HOOK3: variants seen among roughly 807,000 people sequenced by gnomAD.
The protein encoded by HOOK3 is hook microtubule tethering protein 3.
HOOK3 carries 24 observed loss-of-function variants against 116.3 expected under a neutral mutation model. The ratio of observed to expected loss-of-function variants is 0.21; its 90% CI spans 0.15 to 0.29. The LOEUF (loss-of-function observed/expected upper bound fraction) is 0.29. HOOK3 is among the 10% of genes least tolerant of loss of function. The probability of loss-of-function intolerance (pLI) is 1.00; values close to 1 mark genes in which losing one functional copy is unlikely to be tolerated. For missense variants in HOOK3, 632 were observed against 830.2 expected, an observed-to-expected ratio of 0.76 and a Z score of 2.93; for synonymous variants, 275 against 283.0, an observed-to-expected ratio of 0.97 and a Z score of 0.28.
chr8:42,916,487 T>C (rs1807535868), intron 2 of HOOK3, among the ~76,000 whole-genome samples: 1 of 152,180 alleles, frequency 6.6e-6, no homozygotes, highest in Non-Finnish European at 1.5e-5. Flanking sequence ...GAATTACTAT[T>C]GAGAAAAGAA....
chr8:43,011,144 C>T (rs187396304), intron 19 of HOOK3, among the ~76,000 whole-genome samples: 2,335 of 152,118 alleles, frequency 0.015, 30 homozygotes, highest in Non-Finnish European at 0.022. Context: ...AGGCGCCTGC[C>T]ACCACACTCG....
chr8:42,926,436 G>A (rs1345524079), intron 3 of HOOK3, among the ~76,000 whole-genome samples: 3 of 152,038 alleles, frequency 2.0e-5, no homozygotes, highest in East Asian at 1.9e-4. Flanking sequence ...ACAGGCATCC[G>A]CCACCACACC....
chr8:42,940,922 TTTTA>T (rs58441707), intron 4 of HOOK3, among the ~76,000 whole-genome samples: 6 of 151,788 alleles, frequency 4.0e-5, no homozygotes, highest in Non-Finnish European at 4.4e-5. Flanking sequence ...ATTTTGTTTA[TTTTA>T]TTTATTTATT....
intron 8 of HOOK3, among the ~76,000 whole-genome samples, chr8:42,964,091 C>T (rs1808584922): frequency 6.6e-6 from 1 of 152,122 alleles, no homozygotes. Flanking sequence ...CCTGTAGTCC[C>T]AGCTACTCGG....
chr8:42,947,839 T>C (rs921849428), intron 5 of HOOK3, among the ~76,000 whole-genome samples: 2 of 145,056 alleles, frequency 1.4e-5, no homozygotes, highest in Admixed American at 6.9e-5. Flanking sequence ...GAGGAGTGAA[T>C]GAAATTGTGT....
intron 2 of HOOK3, among the ~76,000 whole-genome samples, chr8:42,916,910 C>T (rs1041453917): frequency 2.0e-5 from 3 of 152,020 alleles, no homozygotes; most frequent in South Asian, 2.1e-4. Context: ...CTCTTTAAAT[C>T]GTATTTTGTG....
At chr8:42,983,712 G>C (rs531177674) in intron 14 of HOOK3, among the ~76,000 whole-genome samples, 1 of 152,242 alleles carries the variant, frequency 6.6e-6, no homozygotes, top group East Asian at 1.9e-4. Context: ...TTGAGCTGAA[G>C]TGATCTGCCT....
chr8:42,935,666 G>A lies in HOOK3; in HGVS notation c.267+5494G>A, dbSNP rs187117930. Among the ~76,000 whole-genome samples the A allele has an allele frequency of 7.2e-5, 11 of 152,250 alleles. No homozygotes were observed. The East Asian group carries it at 9.7e-4, about 13-fold the overall frequency. The stretch of plus-strand genomic sequence containing the variant: ...ATAGGGAATCCTTTTCCCATTGCTT[G>A]TTTTTGTCAGGTTTGTCAAAGATCA... On this transcript the variant is annotated intron_variant, in intron 4 of 21. Coordinates refer to ENST00000307602, the MANE Select transcript of HOOK3 (RefSeq NM_032410.4).
In HOOK3 at chr8:42,957,876, C is replaced by T. The variant is rs1808464184; in HGVS notation, c.531+720C>T. On this transcript the variant is annotated intron_variant, in intron 7 of 21. Transcript: ENST00000307602. ...ACGGAGTCTTGGTCTATCGCCCAGG[C>T]TGGAGTGCAGTGGCGCAATCTCGGC... is the stretch of plus-strand genomic sequence containing the variant. 2.0e-5 allele frequency among the ~76,000 whole-genome samples: 3 copies of T among 147,264 alleles called. No individual in the cohort carries two copies. The South Asian group carries it at 6.4e-4, about 31-fold the overall frequency.
At chr8:42,944,973 G>A (rs1165803846) in intron 5 of HOOK3, among the ~76,000 whole-genome samples, 2 of 152,080 alleles carry the variant, frequency 1.3e-5, no homozygotes, top group Non-Finnish European at 2.9e-5. Flanking sequence ...GAGCTGAAAT[G>A]ACCCAATATA....
rs1458832704 is a variant in HOOK3 at position 43,021,114 on chromosome 8, A to C, written c.*2616A>C. On this transcript the variant is annotated 3_prime_UTR_variant, in exon 22 of 22. Coordinates refer to ENST00000307602, the MANE Select transcript of HOOK3 (RefSeq NM_032410.4). Reference sequence around the variant, plus strand: ...GAAACTCTGTCGCAAGAAAAAAAAAAAAAAAAAAAAAAAAAAAAACAGTCT... The same window carrying C: ...GAAACTCTGTCGCAAGAAAAAAAAACAAAAAAAAAAAAAAAAAAACAGTCT... 3.7e-5 allele frequency: 7 copies of C among 188,348 alleles called. No homozygotes were observed. Among genetic ancestry groups the C allele is most frequent in the African/African-American group, 1.7e-4 (7 of 40,962 alleles). 11.7% of individuals were successfully genotyped at this position (188,348 alleles called of 1,614,324 possible). A position where few individuals can be genotyped will look rare whatever the true frequency, so the allele number is the denominator to read the frequency against.
chr8:43,012,670 G>C (rs12679860), intron 19 of HOOK3, among the ~76,000 whole-genome samples: 492 of 152,250 alleles, frequency 3.2e-3, no homozygotes, highest in Non-Finnish European at 5.4e-3. Context: ...CATGATCTCA[G>C]CTCACTGCAG....
chr8:42,939,235 C>A (rs1330630131), intron 4 of HOOK3, among the ~76,000 whole-genome samples: 1 of 152,250 alleles, frequency 6.6e-6, no homozygotes. Context: ...CTATTGGGTA[C>A]ACCTCCCAGA....
intron 13 of HOOK3, among the ~76,000 whole-genome samples, chr8:42,980,841 G>A (rs964565268): frequency 1.3e-5 from 2 of 151,780 alleles, no homozygotes; most frequent in Non-Finnish European, 2.9e-5. Flanking sequence ...CCGAGATCGC[G>A]CCACTGCACT....
chr8:43,007,773 G>A (rs937315224), intron 17 of HOOK3, 74 bp from the exon 18 acceptor site: 2 of 803,022 alleles, frequency 2.5e-6, no homozygotes, highest in Non-Finnish European at 4.0e-6. Flanking sequence ...CAAATATAAG[G>A]AACTCAGATC....
intron 4 of HOOK3, among the ~76,000 whole-genome samples, chr8:42,939,341 G>A (rs924194716): frequency 7.9e-5 from 12 of 151,392 alleles, no homozygotes; most frequent in Middle Eastern, 3.4e-3. Context: ...CTGGTCGGGC[G>A]GGGGGCTGAC....
intron 2 of HOOK3, among the ~76,000 whole-genome samples, chr8:42,915,813 C>A (rs1269531043): frequency 6.6e-6 from 1 of 152,176 alleles, no homozygotes; most frequent in East Asian, 1.9e-4. Context: ...CCATGTTTAT[C>A]TCCTTGTAAC....
intron 16 of HOOK3, among the ~76,000 whole-genome samples, chr8:42,999,793 A>G (rs1775039731): frequency 6.6e-6 from 1 of 152,228 alleles, no homozygotes; most frequent in South Asian, 2.1e-4. Flanking sequence ...ATAAAACTTC[A>G]GAGAACAAGA....
chr8:42,904,404 G>C (rs1305682584), intron 1 of HOOK3, among the ~76,000 whole-genome samples: 3 of 151,224 alleles, frequency 2.0e-5, no homozygotes, highest in African/African-American at 7.3e-5. Flanking sequence ...CCGCCTCCCG[G>C]GTTCAAGCGA....
Sources: allele counts gnomAD v4.1 joint callset (sites outside exome capture counted in the v4.1 genomes callset), GRCh38; gene constraint gnomAD v4.1.1; transcripts MANE v1.5; gene names NCBI Gene and HGNC (gene_info 2026-07-23, HGNC 2026-07-21).